The following MSH4 variants were observed in gnomAD, a reference collection of about 807,000 sequenced individuals.
The protein encoded by MSH4 is mutS protein homolog 4.
In MSH4, 106 loss-of-function variants were observed where a neutral mutation model predicts 113.7. That is an observed-to-expected ratio of 0.93 (90% confidence interval 0.80 to 1.10). The LOEUF is 1.10. MSH4 is among the 50% of genes least tolerant of loss of function. The pLI is 0.00. For synonymous variants in MSH4, 368 were observed against 380.2 expected, an observed-to-expected ratio of 0.97 and a Z score of 0.37; for missense variants, 1,061 against 1,093.7, an observed-to-expected ratio of 0.97 and a Z score of 0.42.
In MSH4 at chr1:75,813,198, T is replaced by G. The variant is rs146829458; in HGVS notation, c.700-1823T>G. On this transcript the variant is annotated intron_variant, in intron 4 of 19. Coordinates refer to ENST00000263187, the MANE Select transcript of MSH4 (RefSeq NM_002440.4). Reference sequence around the variant, plus strand: ...GGGAAGGATGCTGACTGATTCCGCTTTGTTCAGTTTCTCACACGTTAGAGT... The same window carrying G: ...GGGAAGGATGCTGACTGATTCCGCTGTGTTCAGTTTCTCACACGTTAGAGT... 1.9e-3 allele frequency among the ~76,000 whole-genome samples: 287 copies of G among 152,294 alleles called. 1 individual carries two copies. The highest frequency in any genetic ancestry group is 3.0e-3 in the Non-Finnish European group (201 of 68,028).
chr1:75,797,642 T>C (rs1156646041), intron 1 of MSH4, among the ~76,000 whole-genome samples: 1 of 228 alleles, frequency 4.4e-3, no homozygotes, highest in Non-Finnish European at 8.9e-3. Context: ...TGTTTAGTAT[T>C]AAAAGAGTGG....
chr1:75,907,613 TTC>T (rs1489090954), intron 19 of MSH4, among the ~76,000 whole-genome samples: 1 of 147,626 alleles, frequency 6.8e-6, no homozygotes, highest in Non-Finnish European at 1.5e-5. Flanking sequence ...TCTTTCTCAA[TTC>T]TCTCTTGAAC....
intron 8 of MSH4, among the ~76,000 whole-genome samples, chr1:75,861,642 C>G (rs576017001): frequency 2.6e-5 from 4 of 152,188 alleles, no homozygotes; most frequent in Admixed American, 6.5e-5. Context: ...CTGGAAGCTT[C>G]GTCCCAGAGG....
chr1:75,897,096 T>C (rs1361124868), intron 17 of MSH4, among the ~76,000 whole-genome samples: 1 of 152,222 alleles, frequency 6.6e-6, no homozygotes, highest in Non-Finnish European at 1.5e-5. Context: ...TCACTCATAA[T>C]GTCTTAAAAC....
chr1:75,887,280 C>G (rs1411597090), intron 15 of MSH4, among the ~76,000 whole-genome samples: 1 of 152,092 alleles, frequency 6.6e-6, no homozygotes, highest in Non-Finnish European at 1.5e-5. Flanking sequence ...CTTGCTCTCT[C>G]CCTCTCCTGC....
At position 75,851,647 on chromosome 1, in the gene MSH4, C is replaced by T. The variant is rs141072206; in HGVS notation, c.1230+3371C>T. Among the ~76,000 whole-genome samples, 698 of 152,130 alleles carry T rather than the reference C, an allele frequency of 4.6e-3. 4 individuals carry two copies. Among genetic ancestry groups the T allele is most frequent in the Middle Eastern group, 0.027 (8 of 294 alleles). On this transcript the variant is annotated intron_variant, in intron 8 of 19. Coordinates refer to ENST00000263187, the MANE Select transcript of MSH4 (RefSeq NM_002440.4). Reference sequence around the variant, plus strand: ...CTGGTCTCAAACTCCTAACCTCAAGCGATCCACCTGCCTAGGCCTTCCAAA... The same window carrying T: ...CTGGTCTCAAACTCCTAACCTCAAGTGATCCACCTGCCTAGGCCTTCCAAA...
At chr1:75,819,042 G>A (rs986640286) in intron 6 of MSH4, among the ~76,000 whole-genome samples, 5 of 151,862 alleles carry the variant, frequency 3.3e-5, no homozygotes, top group Admixed American at 6.6e-5. Context: ...CTGGGATTAC[G>A]GGTGTAAGCC....
In MSH4 at chr1:75,876,982, G is replaced by A; in HGVS notation, c.1352G>A (p.Gly451Asp). 1.9e-6 allele frequency: 3 copies of A among 1,562,600 alleles called. No individual in the cohort carries two copies. The highest frequency in any genetic ancestry group is 4.7e-5 in the East Asian group (2 of 42,494). Residue 451 changes from glycine to aspartate, a missense_variant, in exon 10 of 20, where the codon GGT becomes GAT. Gly to Asp is a moderately conservative substitution (Grantham distance 94). Coordinates refer to ENST00000263187, the MANE Select transcript of MSH4 (RefSeq NM_002440.4). The part of the protein sequence containing the change: ...CNTPLLRAYY[G>D]SLEDKRFGII... Reference sequence around the variant, plus strand: ...ACACCTTTATTAAGAGCTTACTATGGTTCCTTGGAAGACAAGAGGTCTTTG... The same window carrying A: ...ACACCTTTATTAAGAGCTTACTATGATTCCTTGGAAGACAAGAGGTCTTTG...
rs764664922 is a variant in MSH4 at position 75,796,961 on chromosome 1, C to G, written c.-25C>G. 1.2e-6 allele frequency: 2 copies of G among 1,612,994 alleles called. No individual in the cohort carries two copies. The highest frequency in any genetic ancestry group is 1.7e-6 in the Non-Finnish European group (2 of 1,179,462). On this transcript the variant is annotated 5_prime_UTR_variant, in exon 1 of 20. Transcript: ENST00000263187. ...GGGGTCGCTCAGAAACCTCATACTT[C>G]TCGGGTCAGGGAAGGTTTGGGAGGA...
At chr1:75,820,823 G>A (rs1204735011) in intron 6 of MSH4, among the ~76,000 whole-genome samples, 1 of 151,916 alleles carries the variant, frequency 6.6e-6, no homozygotes, top group Non-Finnish European at 1.5e-5. Flanking sequence ...ATTACATAAT[G>A]GTAAAGGGAT....
intron 7 of MSH4, among the ~76,000 whole-genome samples, chr1:75,833,016 G>A (rs547553830): frequency 6.6e-6 from 1 of 152,276 alleles, no homozygotes; most frequent in African/African-American, 2.4e-5. Flanking sequence ...CAGATGTCAT[G>A]ATTGTTTACT....
chr1:75,905,660 C>T (rs1391162575), intron 19 of MSH4, among the ~76,000 whole-genome samples: 1 of 152,080 alleles, frequency 6.6e-6, no homozygotes, highest in Non-Finnish European at 1.5e-5. Flanking sequence ...AAGACCCCTA[C>T]TAGTATTGTA....
At chr1:75,881,211 A>G in intron 13 of MSH4, 35 bp from the exon 14 acceptor site, 1 of 1,494,650 alleles carries the variant, frequency 6.7e-7, no homozygotes, top group Non-Finnish European at 9.0e-7. Flanking sequence ...CTTTTGAAAA[A>G]ACATTATTAC....
intron 3 of MSH4, among the ~76,000 whole-genome samples, chr1:75,808,399 GTTA>G (rs1010156321): frequency 6.6e-6 from 1 of 152,132 alleles, no homozygotes; most frequent in Non-Finnish European, 1.5e-5. Context: ...TTGCAAAAAA[GTTA>G]TTATTGCCTA....
rs1012663487 is a variant in MSH4 at position 75,822,755 on chromosome 1, G to A, written c.1162+174G>A. Among the ~76,000 whole-genome samples, 4 of 151,732 alleles carry A rather than the reference G, an allele frequency of 2.6e-5. No homozygotes were observed. In the South Asian group the frequency reaches 8.3e-4, roughly 31 times the overall value. On this transcript the variant is annotated intron_variant, in intron 7 of 19. Coordinates refer to ENST00000263187, the MANE Select transcript of MSH4 (RefSeq NM_002440.4). ...AGTCCTGTAGTAAATAATTTCAGGG[G>A]TACATTATGTAATGTATTTTGATTT...
rs112464768 is a variant in MSH4, at chr1:75,829,386, A to G, written c.1162+6805A>G. On this transcript the variant is annotated intron_variant, in intron 7 of 19. Transcript: ENST00000263187. ...AGGGCATAGCTGAACAAAAGGCAGC[A>G]GAAACTTCTGCAGACTTAAACATCC... Among the ~76,000 whole-genome samples, 1,147 of 152,330 alleles carry G rather than the reference A, an allele frequency of 7.5e-3. 10 individuals are homozygous for G. Among genetic ancestry groups the G allele is most frequent in the African/African-American group, 0.026 (1,099 of 41,572 alleles).
chr1:75,881,884 C>T (rs951306709), intron 14 of MSH4, among the ~76,000 whole-genome samples: 8 of 152,076 alleles, frequency 5.3e-5, no homozygotes, highest in Admixed American at 3.3e-4. Flanking sequence ...ATGAATACTT[C>T]GAGTTAGTGC....
intron 9 of MSH4, among the ~76,000 whole-genome samples, chr1:75,868,782 A>T (rs1159629294): frequency 6.6e-6 from 1 of 152,236 alleles, no homozygotes; most frequent in East Asian, 1.9e-4. Flanking sequence ...CCGGCATGTA[A>T]GATGTAACTT....
At position 75,876,938 on chromosome 1, in the gene MSH4, T is replaced by C. The variant is rs546723440; in HGVS notation, c.1308T>C (p.Ile436=). The C allele has an allele frequency of 3.4e-5, 52 of 1,520,296 alleles. No individual in the cohort carries two copies. The South Asian group carries it at 5.8e-4, about 17-fold the overall frequency. 94.2% of individuals were successfully genotyped at this position (1,520,296 alleles called of 1,614,324 possible). ...HTLELVDPLK[I]AMKNCNTPLL... is the part of the protein sequence containing the mutation. ...TTTTTTATTTTATTCTTTAATAGAT[T>C]GCTATGAAGAACTGTAACACACCTT... The change falls in exon 10 of 20, where the codon ATT becomes ATC. Residue 436 remains isoleucine, a splice_region_variant and synonymous_variant. Transcript: ENST00000263187.
Sources: allele counts gnomAD v4.1 joint callset (sites outside exome capture counted in the v4.1 genomes callset), GRCh38; gene constraint gnomAD v4.1.1; transcripts MANE v1.5; gene names NCBI Gene and HGNC (gene_info 2026-07-23, HGNC 2026-07-21).